E2F7: variants seen among roughly 807,000 people sequenced by gnomAD.
E2F7 encodes the protein E2F transcription factor 7.
E2F7 carries 35 observed loss-of-function variants against 81.1 expected under a neutral mutation model. The ratio of observed to expected loss-of-function variants is 0.43; its 90% CI spans 0.33 to 0.57. The LOEUF (loss-of-function observed/expected upper bound fraction) is 0.57, where lower values mean the gene tolerates loss of function less well. E2F7 is among the 20% of genes least tolerant of loss of function. The pLI, the probability that E2F7 is intolerant of heterozygous loss-of-function variation, is 0.04. For synonymous variants in E2F7, 416 were observed against 416.2 expected, an observed-to-expected ratio of 1.00 and a Z score of 0.01; for missense variants, 961 against 1,093.7, an observed-to-expected ratio of 0.88 and a Z score of 1.71.
intron 2 of E2F7, among the ~76,000 whole-genome samples, chr12:77,060,119 G>T (rs886132229): frequency 6.6e-6 from 1 of 151,930 alleles, no homozygotes; most frequent in Non-Finnish European, 1.5e-5. Context: ...CCCTTCCCTA[G>T]GCATTGATCC....
At chr12:77,043,032 A>T (rs1283032351) in intron 7 of E2F7, 33 bp downstream of exon 7, 1 of 1,613,544 alleles carries the variant, frequency 6.2e-7, no homozygotes, top group Non-Finnish European at 8.5e-7. Flanking sequence ...ATTCTAAATA[A>T]AACAGCCTGC....
At chr12:77,057,200 T>C (rs1475815595) in intron 2 of E2F7, among the ~76,000 whole-genome samples, 1 of 151,560 alleles carries the variant, frequency 6.6e-6, no homozygotes, top group Non-Finnish European at 1.5e-5. Context: ...TTTCCAGTGG[T>C]GTGCATACTA....
intron 3 of E2F7, among the ~76,000 whole-genome samples, chr12:77,052,714 G>C (rs1431705126): frequency 6.6e-6 from 1 of 151,898 alleles, no homozygotes; most frequent in South Asian, 2.1e-4. Context: ...TGTCCATCAA[G>C]AAATAACATA....
At chr12:77,064,693 CA>C in intron 1 of E2F7, 58 bp from the exon 2 acceptor site, 1 of 1,378,842 alleles carries the variant, frequency 7.3e-7, no homozygotes, top group Non-Finnish European at 1.0e-6. Context: ...TTTCCTCAAA[CA>C]AAAATATCTA....
intron 7 of E2F7, among the ~76,000 whole-genome samples, chr12:77,035,438 C>G (rs1260232980): frequency 3.9e-5 from 6 of 152,118 alleles, no homozygotes; most frequent in African/African-American, 1.4e-4. Context: ...GTGCCTGTTG[C>G]CAATGGCTAC....
intron 3 of E2F7, among the ~76,000 whole-genome samples, chr12:77,054,866 G>A (rs1955019227): frequency 6.6e-6 from 1 of 152,078 alleles, no homozygotes; most frequent in South Asian, 2.1e-4. Context: ...ACCAGGACAG[G>A]TACCACGACC....
chr12:77,039,240 G>A (rs182865030), intron 7 of E2F7, among the ~76,000 whole-genome samples: 9 of 152,178 alleles, frequency 5.9e-5, no homozygotes, highest in Non-Finnish European at 1.3e-4. Flanking sequence ...TCTTGTGTTA[G>A]GCAAAGATTT....
chr12:77,030,116 C>A lies in E2F7; in HGVS notation c.1599G>T (p.Val533=), dbSNP rs994775417. The stretch of plus-strand genomic sequence containing the variant: ...CAAGGAGTGCTGGCTTCAGGCTCTC[C>A]ACAGCAGAGGCTGCAGAAGCAAGTG... ...DVSLASAASA[V]ESLKPALLAG... The change falls in exon 10 of 13, where the codon GTG becomes GTT. Residue 533 remains valine, a synonymous_variant. Transcript: ENST00000322886. The A allele has an allele frequency of 1.2e-6, 2 of 1,614,200 alleles. No homozygotes were observed. The highest frequency in any genetic ancestry group is 2.2e-5 in the South Asian group (2 of 91,084).
intron 2 of E2F7, among the ~76,000 whole-genome samples, chr12:77,058,468 A>C (rs1371215797): frequency 6.6e-6 from 1 of 152,146 alleles, no homozygotes; most frequent in Non-Finnish European, 1.5e-5. Flanking sequence ...TGTCCTGGGC[A>C]CAAACTGGGA....
At chr12:77,032,828 G>A (rs1041421035) in intron 9 of E2F7, among the ~76,000 whole-genome samples, 1 of 151,986 alleles carries the variant, frequency 6.6e-6, no homozygotes, top group Non-Finnish European at 1.5e-5. Flanking sequence ...TTTTTATCTT[G>A]TTCCTATAAG....
chr12:77,024,755 G>T (rs1226720814), intron 12 of E2F7, among the ~76,000 whole-genome samples: 2 of 152,192 alleles, frequency 1.3e-5, no homozygotes, highest in African/African-American at 4.8e-5. Context: ...CATGGTGATA[G>T]AAAATTCTAT....
intron 9 of E2F7, among the ~76,000 whole-genome samples, chr12:77,032,000 T>C (rs1047521822): frequency 1.3e-5 from 2 of 152,206 alleles, no homozygotes; most frequent in African/African-American, 4.8e-5. Flanking sequence ...CATGCAGACA[T>C]TCTTTCTGAT....
In E2F7 at chr12:77,046,157, T is replaced by C. The variant is rs1954939924; in HGVS notation, c.710A>G (p.Tyr237Cys). The C allele has an allele frequency of 1.9e-6, 3 of 1,614,084 alleles. No individual in the cohort carries two copies. The South Asian group carries it at 3.3e-5, about 18-fold the overall frequency. ...EEQKYEEQMA[Y>C]LQQKELDLID... Reference sequence around the variant, plus strand: ...CAGGTCCAGCTCTTTCTGTTGGAGGTAGGCCATTTGCTCTTCATATTTCTG... The same window carrying C: ...CAGGTCCAGCTCTTTCTGTTGGAGGCAGGCCATTTGCTCTTCATATTTCTG... Residue 237 changes from tyrosine to cysteine, a missense_variant, in exon 5 of 13, where the codon TAC becomes TGC. By Grantham distance (194) the Tyr-to-Cys change is radical (BLOSUM62 -2). Around this residue, in one of 3 missense-constraint regions of E2F7, gnomAD observed 301 missense variants for 405.0 expected, o/e 0.74. Transcript: ENST00000322886.
chr12:77,038,613 GTACTGAGAGGAAAATT>G (rs1048032414), intron 7 of E2F7, among the ~76,000 whole-genome samples: 3 of 152,146 alleles, frequency 2.0e-5, no homozygotes, highest in Non-Finnish European at 4.4e-5. Flanking sequence ...AGCTAAAGCA[GTACTGAGAGGAAAATT>G]TATAGCACTA....
intron 2 of E2F7, among the ~76,000 whole-genome samples, chr12:77,063,094 C>T (rs900804091): frequency 1.2e-4 from 18 of 152,120 alleles, no homozygotes; most frequent in African/African-American, 2.9e-4. Context: ...CTTTGTCCAG[C>T]GTATTTGCAC....
intron 6 of E2F7, among the ~76,000 whole-genome samples, chr12:77,043,955 TATC>T (rs1373035181): frequency 6.6e-6 from 1 of 152,188 alleles, no homozygotes. Flanking sequence ...GAGTTTGAAT[TATC>T]ATCCAGAAAT....
chr12:77,058,637 A>C (rs1955053699), intron 2 of E2F7, among the ~76,000 whole-genome samples: 1 of 152,168 alleles, frequency 6.6e-6, no homozygotes, highest in African/African-American at 2.4e-5. Context: ...GAGTGTGGCA[A>C]GTTCCTGTAC....
At chr12:77,062,489 A>T (rs1196317540) in intron 2 of E2F7, among the ~76,000 whole-genome samples, 1 of 152,152 alleles carries the variant, frequency 6.6e-6, no homozygotes, top group African/African-American at 2.4e-5. Flanking sequence ...CTGTGGAAGC[A>T]CCCTGTTCTC....
intron 6 of E2F7, chr12:77,044,342 A>G: frequency 1.9e-6 from 1 of 513,782 alleles, no homozygotes; most frequent in South Asian, 1.6e-5. Context: ...GGATGCAGCA[A>G]TACTAAAGAG....
Sources: gnomAD v4.1 joint callset for allele counts (sites outside exome capture counted in the v4.1 genomes callset) on GRCh38, gnomAD v4.1.1 for gene constraint, gnomAD v4.1.1 regional missense constraint, MANE v1.5 for transcripts, NCBI Gene and HGNC (gene_info 2026-07-23, HGNC 2026-07-21) for gene names.